The following HNRNPA2B1 variants were observed in gnomAD, a reference collection of about 807,000 sequenced individuals.
The protein encoded by HNRNPA2B1 is heterogeneous nuclear ribonucleoproteins A2/B1.
Under a neutral mutation model 46.3 loss-of-function variants are expected in HNRNPA2B1, and 3 were observed. The observed-to-expected ratio is 0.06, with a 90% confidence interval of 0.03 to 0.17. HNRNPA2B1 has a LOEUF of 0.17. Ranked by LOEUF, HNRNPA2B1 falls within the 10% of genes least tolerant of loss-of-function variation. The pLI is 1.00. For synonymous variants in HNRNPA2B1, 225 were observed against 133.8 expected, an observed-to-expected ratio of 1.68 and a Z score of -4.70; for missense variants, 221 against 418.9, an observed-to-expected ratio of 0.53 and a Z score of 4.12.
intron 7 of HNRNPA2B1, among the ~76,000 whole-genome samples, chr7:26,195,494 A>G (rs191589968): frequency 1.3e-5 from 2 of 152,304 alleles, no homozygotes. Flanking sequence ...GACATATTTC[A>G]TATTTTTTCC....
rs1782844817 is a variant in HNRNPA2B1, at chr7:26,190,950, A to G, written c.*1410T>C. Reference sequence around the variant, plus strand: ...GAATACACAAGGGTGTAACGATGGGAAATCTCATGATTTATTGAACTTGCA... The same window carrying G: ...GAATACACAAGGGTGTAACGATGGGGAATCTCATGATTTATTGAACTTGCA... On this transcript the variant is annotated 3_prime_UTR_variant, in exon 11 of 11. Coordinates refer to ENST00000618183, the MANE Select transcript of HNRNPA2B1 (RefSeq NM_002137.4). The G allele has an allele frequency of 6.6e-6, 1 of 152,574 alleles. No homozygotes were observed. The highest frequency in any genetic ancestry group is 2.4e-5 in the African/African-American group (1 of 41,428). 9.5% of individuals were successfully genotyped at this position (152,574 alleles called of 1,614,324 possible). A position where few individuals can be genotyped will look rare whatever the true frequency, so the allele number is the denominator to read the frequency against.
chr7:26,192,746 A>C (rs549201785), intron 9 of HNRNPA2B1, among the ~76,000 whole-genome samples, 169 bp from the exon 10 acceptor site: 1 of 152,252 alleles, frequency 6.6e-6, no homozygotes, highest in Non-Finnish European at 1.5e-5. Context: ...ACTCGGGTTC[A>C]TAGACATTTT....
At chr7:26,200,504 A>T in intron 1 of HNRNPA2B1, 68 bp downstream of exon 1, 5 of 1,540,768 alleles carry the variant, frequency 3.2e-6, no homozygotes, top group Non-Finnish European at 4.5e-6. Flanking sequence ...CGGCTGGCCG[A>T]CTTCCACTGA....
At chr7:26,197,586 GAC>G in intron 2 of HNRNPA2B1, 34 bp downstream of exon 2, 1 of 1,569,872 alleles carries the variant, frequency 6.4e-7, no homozygotes, top group Non-Finnish European at 8.8e-7. Context: ...ACAGCTAAAA[GAC>G]TAATATCCAG....
At chr7:26,199,000 GCTC>G (rs1784020719) in intron 1 of HNRNPA2B1, 1 of 152,128 alleles carries the variant, frequency 6.6e-6, no homozygotes, top group Non-Finnish European at 1.5e-5. Context: ...GATCAAACTA[GCTC>G]CTATGAGACA....
intron 7 of HNRNPA2B1, among the ~76,000 whole-genome samples, chr7:26,194,881 G>A (rs935486636): frequency 6.6e-6 from 1 of 151,460 alleles, no homozygotes; most frequent in Admixed American, 6.6e-5. Context: ...AGTTCACGAG[G>A]TCAGGAGTTC....
At position 26,193,599 on chromosome 7, in the gene HNRNPA2B1, C is replaced by T. The variant is rs577689101; in HGVS notation, c.817G>A (p.Gly273Ser). 76 of 1,597,898 alleles carry T rather than the reference C, an allele frequency of 4.8e-5. 1 individual carries two copies. In the South Asian group the frequency reaches 8.2e-4, roughly 17 times the overall value. The change falls in exon 8 of 11, where the codon GGT (glycine) becomes AGT (serine). Residue 273 changes from glycine to serine, a missense_variant. Physicochemically the swap from Gly to Ser is moderately conservative, Grantham distance 56. This residue lies in a region of HNRNPA2B1 where 143 missense variants were observed against 200.5 expected (regional missense o/e 0.71). Coordinates refer to ENST00000618183, the MANE Select transcript of HNRNPA2B1 (RefSeq NM_002137.4). ...CCTCCTCCATAGTTGTCATAACCAC[C>T]TCCGTAGCCCCCACCCTGGTTGCCA... ...GYGNQGGGYG[G>S]GYDNYGGGNY...
Position 26,193,632 on chromosome 7 carries a change from G to C in HNRNPA2B1, c.784C>G (p.Pro262Ala). 6.2e-7 allele frequency: 1 copy of C among 1,611,866 alleles called. No individual in the cohort carries two copies. The highest frequency in any genetic ancestry group is 2.2e-5 in the East Asian group (1 of 44,798). The change falls in exon 8 of 11, where the codon CCT becomes GCT. Residue 262 changes from proline (P) to alanine (A), a missense_variant. By Grantham distance (27) the Pro-to-Ala change is conservative. Transcript: ENST00000618183. ...CCCCCACCCTGGTTGCCATATCCAG[G>C]TCCTCCACCACCATATCCTCCTCTT... Reference protein sequence around the residue: ...GGRGGYGGGGPGYGNQGGGYG... With the variant: ...GGRGGYGGGGAGYGNQGGGYG...
At chr7:26,195,693 CA>C (rs1046298587) in intron 7 of HNRNPA2B1, 153 bp downstream of exon 7, 2 of 772,142 alleles carry the variant, frequency 2.6e-6, no homozygotes, top group Admixed American at 3.3e-5. Flanking sequence ...GCTAAGATGG[CA>C]AAACTACTTA....
chr7:26,197,524 A>G (rs908434497), intron 2 of HNRNPA2B1, 63 bp from the exon 3 acceptor site: 2 of 1,588,052 alleles, frequency 1.3e-6, no homozygotes, highest in East Asian at 2.2e-5. Flanking sequence ...TGAAGTCATA[A>G]TAGAATTTTT....
intron 3 of HNRNPA2B1, 97 bp downstream of exon 3, chr7:26,197,218 A>C: frequency 1.4e-6 from 2 of 1,424,506 alleles, no homozygotes; most frequent in Non-Finnish European, 1.9e-6. Context: ...AATAAGAGAA[A>C]AAATCTTGAG....
chr7:26,194,826 T>G (rs1783344229), intron 7 of HNRNPA2B1, among the ~76,000 whole-genome samples: 1 of 150,516 alleles, frequency 6.6e-6, no homozygotes, highest in South Asian at 2.1e-4. Flanking sequence ...TGGGCATGGT[T>G]GCTCACGCCT....
Position 26,197,723 on chromosome 7 carries a change from C to T in HNRNPA2B1, c.16G>A (p.Glu6Lys), listed in dbSNP as rs1783804265. 2.5e-6 allele frequency: 4 copies of T among 1,612,504 alleles called. No homozygotes were observed. Among genetic ancestry groups the T allele is most frequent in the Non-Finnish European group, 3.4e-6 (4 of 1,179,212 alleles). ...CCAATAAAGAGCTTACGGAACTGTT[C>T]CTTTTCTCTCTGCAAAGGAAAATAC... is the stretch of plus-strand genomic sequence containing the variant. MEREK[E>K]QFRKLFIGGL... is the part of the protein sequence containing the mutation. Residue 6 changes from glutamate (E) to lysine (K), a missense_variant, in exon 2 of 11, where the codon GAA (glutamate) becomes AAA (lysine). Glu to Lys is a moderately conservative substitution (Grantham distance 56, BLOSUM62 1). This residue lies in a region of HNRNPA2B1 where 78 missense variants were observed against 218.5 expected (regional missense o/e 0.36). Transcript: ENST00000618183.
At chr7:26,198,183 G>GC (rs1340120759) in intron 1 of HNRNPA2B1, 2 of 230,222 alleles carry the variant, frequency 8.7e-6, no homozygotes, top group African/African-American at 4.5e-5. Context: ...CATTACTTAT[G>GC]ACCCAAAGTT....
chr7:26,195,693 C>T, intron 7 of HNRNPA2B1, 154 bp downstream of exon 7: 1 of 772,142 alleles, frequency 1.3e-6, no homozygotes, highest in East Asian at 2.9e-5. Flanking sequence ...GCTAAGATGG[C>T]AAAACTACTT....
chr7:26,194,923 G>A (rs560917553), intron 7 of HNRNPA2B1, among the ~76,000 whole-genome samples: 15 of 151,444 alleles, frequency 9.9e-5, no homozygotes, highest in East Asian at 2.0e-4. Flanking sequence ...GGGAAACCCC[G>A]TCTCTACTAA....
At chr7:26,200,485 C>A (rs1429082903) in intron 1 of HNRNPA2B1, 87 bp downstream of exon 1, 1 of 1,364,370 alleles carries the variant, frequency 7.3e-7, no homozygotes, top group Non-Finnish European at 1.0e-6. Flanking sequence ...TGCCTCTCTC[C>A]CACGGAGGCG....
At chr7:26,195,815 A>G (rs1200842738) in intron 7 of HNRNPA2B1, 32 bp downstream of exon 7, 1 of 1,605,272 alleles carries the variant, frequency 6.2e-7, no homozygotes, top group Admixed American at 1.7e-5. Flanking sequence ...TATTAGTCAC[A>G]TAAACAAACC....
At chr7:26,194,810 A>G (rs1203149281) in intron 7 of HNRNPA2B1, among the ~76,000 whole-genome samples, 1 of 151,806 alleles carries the variant, frequency 6.6e-6, no homozygotes, top group Non-Finnish European at 1.5e-5. Context: ...AAAAAAAAAA[A>G]AAGGCTGGGC....
Sources: gnomAD v4.1 joint callset for allele counts (sites outside exome capture counted in the v4.1 genomes callset) on GRCh38, gnomAD v4.1.1 for gene constraint, gnomAD v4.1.1 regional missense constraint, MANE v1.5 for transcripts, NCBI Gene and HGNC (gene_info 2026-07-23, HGNC 2026-07-21) for gene names.